The following GLMN variants were observed in gnomAD, a reference collection of about 807,000 sequenced individuals.
The protein encoded by GLMN is glomulin.
GLMN carries 75 observed loss-of-function variants against 87.8 expected under a neutral mutation model. That is an observed-to-expected ratio of 0.85 (90% CI 0.71 to 1.04). GLMN has a LOEUF of 1.04. Among genes scored for constraint, GLMN ranks in the 50% least tolerant of loss-of-function variants. The probability of loss-of-function intolerance (pLI) is 0.00; values close to 1 mark genes in which losing one functional copy is unlikely to be tolerated. For synonymous variants in GLMN, 206 were observed against 221.6 expected (o/e 0.93, Z 0.63); for missense variants, 588 against 658.8 (o/e 0.89, Z 1.18).
rs779948115 is a variant in GLMN, at chr1:92,286,513, T to C, written c.712A>G (p.Arg238Gly). The change falls in exon 7 of 19, where the codon AGG becomes GGG. Residue 238 changes from arginine (R) to glycine (G), a missense_variant. Transcript: ENST00000370360. Reference sequence around the variant, plus strand: ...ACTATTATTTCTGATGCAAAATACCTGAAAGGATCATTTCCACCTTCTTCA... The same window carrying C: ...ACTATTATTTCTGATGCAAAATACCCGAAAGGATCATTTCCACCTTCTTCA... ...QSEEGGNDPF[R>G]YFASEIIGFL... 2 of 1,575,124 alleles carry C rather than the reference T, an allele frequency of 1.3e-6. No homozygotes were observed. Among genetic ancestry groups the C allele is most frequent in the Admixed American group, 3.3e-5 (2 of 59,938 alleles).
At chr1:92,274,853 G>A (rs2100948416) in intron 7 of GLMN, among the ~76,000 whole-genome samples, 1 of 152,212 alleles carries the variant, frequency 6.6e-6, no homozygotes, top group Non-Finnish European at 1.5e-5. Flanking sequence ...CCAGTCCTGT[G>A]ATTCCTACAT....
At chr1:92,286,389 C>T in intron 7 of GLMN, 101 bp downstream of exon 7, 1 of 598,712 alleles carries the variant, frequency 1.7e-6, no homozygotes. Flanking sequence ...ACAAAAAATA[C>T]ACATTTCTTT....
At chr1:92,266,272 A>G (rs1190640104) in intron 13 of GLMN, 147 bp downstream of exon 13, 2 of 688,186 alleles carry the variant, frequency 2.9e-6, no homozygotes, top group Admixed American at 2.1e-5. Flanking sequence ...TTCTCTAGCC[A>G]TCACTGAGAA....
At chr1:92,257,791 A>C (rs1654458434) in intron 16 of GLMN, among the ~76,000 whole-genome samples, 1 of 152,136 alleles carries the variant, frequency 6.6e-6, no homozygotes, top group Admixed American at 6.6e-5. Context: ...AACCATAAAA[A>C]CCCAAAACCA....
the GLMN span, among the ~76,000 whole-genome samples, chr1:92,337,094 G>A: frequency 9.2e-5 from 14 of 152,102 alleles, no homozygotes; most frequent in African/African-American, 3.4e-4. Context: ...TCAGCCAAAT[G>A]CCAGTGACCA....
intron 7 of GLMN, among the ~76,000 whole-genome samples, chr1:92,276,046 A>G (rs1647258530): frequency 6.6e-6 from 1 of 151,962 alleles, no homozygotes; most frequent in African/African-American, 2.4e-5. Flanking sequence ...ACATAGTGAG[A>G]CTTCACCTTT....
the GLMN span, among the ~76,000 whole-genome samples, chr1:92,334,404 T>C: frequency 3.9e-5 from 6 of 152,202 alleles, no homozygotes; most frequent in Non-Finnish European, 8.8e-5. Context: ...GTATATTAGA[T>C]GACACTAAGG....
At chr1:92,369,110 A>G in the GLMN span, among the ~76,000 whole-genome samples, 1 of 152,240 alleles carries the variant, frequency 6.6e-6, no homozygotes, top group Non-Finnish European at 1.5e-5. Context: ...ATTGAAAGAA[A>G]TAACTTTCAA....
the GLMN span, among the ~76,000 whole-genome samples, chr1:92,350,333 T>A: frequency 1.3e-5 from 2 of 152,212 alleles, no homozygotes; most frequent in African/African-American, 4.8e-5. Context: ...AAGCACTCCT[T>A]ACACACAGAA....
chr1:92,302,857 C>A (rs1020302906), upstream of GLMN, among the ~76,000 whole-genome samples: 4 of 151,844 alleles, frequency 2.6e-5, no homozygotes, highest in Admixed American at 6.6e-5. Flanking sequence ...GCGTCGGCCT[C>A]CCAAAGTGCT....
chr1:92,280,551 C>T (rs1647904102), intron 7 of GLMN, among the ~76,000 whole-genome samples: 1 of 152,106 alleles, frequency 6.6e-6, no homozygotes, highest in African/African-American at 2.4e-5. Flanking sequence ...AAACAGAGCG[C>T]CTCTGCTCTT....
the GLMN span, among the ~76,000 whole-genome samples, chr1:92,322,765 T>C: frequency 3.3e-5 from 5 of 151,516 alleles, no homozygotes; most frequent in African/African-American, 1.2e-4. Context: ...TAATCCCAGC[T>C]ACTTGGGAGG....
At chr1:92,324,127 G>A in the GLMN span, 4 of 1,614,006 alleles carry the variant, frequency 2.5e-6, no homozygotes, top group African/African-American at 4.0e-5. Flanking sequence ...AGCCTCTCTG[G>A]TTAAAGAAGA....
intron 6 of GLMN, among the ~76,000 whole-genome samples, chr1:92,287,172 A>G (rs923166542): frequency 5.9e-5 from 9 of 152,126 alleles, no homozygotes; most frequent in African/African-American, 4.8e-5. Flanking sequence ...GGCTGGTGCT[A>G]GTCTATGATG....
chr1:92,363,838 G>T, the GLMN span: 1 of 250,066 alleles, frequency 4.0e-6, no homozygotes, highest in Non-Finnish European at 8.0e-6. Flanking sequence ...TTTATTATAA[G>T]GATCTAATAC....
At chr1:92,354,084 G>A in the GLMN span, among the ~76,000 whole-genome samples, 1 of 152,152 alleles carries the variant, frequency 6.6e-6, no homozygotes, top group Non-Finnish European at 1.5e-5. Context: ...AGCAGCAGCA[G>A]TGGTGGTGAT....
the GLMN span, among the ~76,000 whole-genome samples, chr1:92,313,492 C>T: frequency 6.9e-6 from 1 of 145,676 alleles, no homozygotes; most frequent in Non-Finnish European, 1.5e-5. Context: ...TTAAAATATT[C>T]AGTAAGCCAT....
At chr1:92,333,255 C>A in the GLMN span, 3 of 635,674 alleles carry the variant, frequency 4.7e-6, no homozygotes, top group Non-Finnish European at 8.1e-6. Context: ...AAATTTAAAT[C>A]TAATTCTCAA....
At chr1:92,274,521 T>G (rs1200149365) in intron 7 of GLMN, among the ~76,000 whole-genome samples, 1 of 152,218 alleles carries the variant, frequency 6.6e-6, no homozygotes, top group Non-Finnish European at 1.5e-5. Flanking sequence ...AATCTTTTTC[T>G]CTACCCAATT....
Sources: gnomAD v4.1 joint callset for allele counts (sites outside exome capture counted in the v4.1 genomes callset) on GRCh38, gnomAD v4.1.1 for gene constraint, MANE v1.5 for transcripts, NCBI Gene and HGNC (gene_info 2026-07-23, HGNC 2026-07-21) for gene names.